Variants in ANKS1B observed in about 807,000 individuals in gnomAD.
The protein encoded by ANKS1B is ankyrin repeat and sterile alpha motif domain-containing protein 1B.
A neutral mutation model predicts 148.3 loss-of-function variants in ANKS1B; 36 were observed. The ratio of observed to expected loss-of-function variants is 0.24; its 90% CI spans 0.19 to 0.32. ANKS1B has a LOEUF of 0.32. Among genes scored for constraint, ANKS1B ranks in the 10% least tolerant of loss-of-function variants. The probability of loss-of-function intolerance (pLI) is 1.00; values close to 1 mark genes in which losing one functional copy is unlikely to be tolerated. For synonymous variants in ANKS1B, 542 were observed against 560.8 expected (o/e 0.97, Z 0.47); for missense variants, 1,157 against 1,542.6 (o/e 0.75, Z 4.19).
At chr12:98,949,199 G>A (rs1031968363) in intron 17 of ANKS1B, among the ~76,000 whole-genome samples, 19 of 151,884 alleles carry the variant, frequency 1.3e-4, no homozygotes, top group African/African-American at 3.9e-4. Flanking sequence ...TGATCTGCCC[G>A]CCTTGGCCTC....
chr12:99,293,438 A>G (rs943734186), intron 12 of ANKS1B, among the ~76,000 whole-genome samples: 5 of 152,164 alleles, frequency 3.3e-5, no homozygotes. Context: ...AGCATGGCAC[A>G]CGTATACCTA....
chr12:98,938,922 A>G (rs1597267000), intron 17 of ANKS1B, among the ~76,000 whole-genome samples: 1 of 152,230 alleles, frequency 6.6e-6, no homozygotes, highest in East Asian at 1.9e-4. Context: ...AGTGGAGATT[A>G]ATGATAATAA....
rs1209566456 is a variant in ANKS1B, at chr12:99,299,511, TA to T, written c.1757-52648del. On this transcript the variant is annotated intron_variant, in intron 12 of 26. Transcript: ENST00000683438. ...TTTCTTTATTCCTCTTGAACTGTAA[TA>T]AAAATGAAAACTATAACAAATATAA... is the stretch of plus-strand genomic sequence containing the variant. 2.6e-5 allele frequency among the ~76,000 whole-genome samples: 4 copies of T among 152,212 alleles called. No individual in the cohort carries two copies. In the East Asian group the frequency reaches 7.7e-4, roughly 29 times the overall value.
Position 99,941,003 on chromosome 12 carries a change from TTCC to T in ANKS1B, c.134+43098_134+43100del, listed in dbSNP as rs542759039. 5.3e-5 allele frequency among the ~76,000 whole-genome samples: 8 copies of T among 152,290 alleles called. No individual in the cohort carries two copies. In the South Asian group the frequency reaches 1.7e-3, roughly 32 times the overall value. On this transcript the variant is annotated intron_variant, in intron 1 of 26. Coordinates refer to ENST00000683438, the MANE Select transcript of ANKS1B (RefSeq NM_001352186.2). ...TGTACGTAATTATTGAATGTCTCTC[TTCC>T]TCAATAGATGTCAAGTTCTGAGAGG... is the stretch of plus-strand genomic sequence containing the variant.
intron 16 of ANKS1B, among the ~76,000 whole-genome samples, chr12:99,056,958 C>A (rs2040404401): frequency 6.6e-6 from 1 of 152,152 alleles, no homozygotes; most frequent in African/African-American, 2.4e-5. Flanking sequence ...CTCTCTTCCT[C>A]TTTTTTTCCA....
At chr12:99,303,084 A>G (rs145023921) in intron 12 of ANKS1B, among the ~76,000 whole-genome samples, 145 of 152,274 alleles carry the variant, frequency 9.5e-4, no homozygotes, top group African/African-American at 3.3e-3. Flanking sequence ...TCTGAACAAA[A>G]GGCACATAAT....
chr12:99,804,846 T>C (rs2067388725), intron 4 of ANKS1B, among the ~76,000 whole-genome samples: 1 of 152,172 alleles, frequency 6.6e-6, no homozygotes. Flanking sequence ...TCAAGAAGCC[T>C]TGTACAATTC....
At chr12:98,908,486 GA>G (rs974234985) in intron 17 of ANKS1B, among the ~76,000 whole-genome samples, 3 of 152,122 alleles carry the variant, frequency 2.0e-5, no homozygotes, top group African/African-American at 7.2e-5. Flanking sequence ...TAACTTCTCT[GA>G]GTTTTAGTTT....
chr12:99,728,502 T>C (rs1046116266), intron 8 of ANKS1B, among the ~76,000 whole-genome samples: 3 of 152,100 alleles, frequency 2.0e-5, no homozygotes, highest in Admixed American at 6.5e-5. Flanking sequence ...TGTGGAGAAA[T>C]AGGAACACTT....
chr12:99,133,436 T>C (rs897814472), intron 15 of ANKS1B, among the ~76,000 whole-genome samples: 32 of 152,124 alleles, frequency 2.1e-4, no homozygotes, highest in African/African-American at 7.7e-4. Context: ...AGAAGAACCA[T>C]CCTTTCCTTT....
intron 8 of ANKS1B, among the ~76,000 whole-genome samples, chr12:99,682,561 A>G (rs2098627486): frequency 6.6e-6 from 1 of 152,246 alleles, no homozygotes; most frequent in South Asian, 2.1e-4. Context: ...GAACTGAACA[A>G]TAATAGTGAC....
At chr12:99,781,943 G>C in intron 5 of ANKS1B, 79 bp downstream of exon 5, 2 of 1,221,178 alleles carry the variant, frequency 1.6e-6, no homozygotes, top group Non-Finnish European at 2.3e-6. Flanking sequence ...GAAGAAAACT[G>C]TGTCATTTTC....
intron 17 of ANKS1B, among the ~76,000 whole-genome samples, chr12:98,928,669 T>C (rs768531195): frequency 2.0e-5 from 3 of 151,932 alleles, no homozygotes; most frequent in Non-Finnish European, 4.4e-5. Context: ...TTTAAATTAA[T>C]ATATAAAATG....
chr12:99,135,619 C>T (rs755138134), intron 15 of ANKS1B, among the ~76,000 whole-genome samples: 2 of 152,134 alleles, frequency 1.3e-5, no homozygotes, highest in African/African-American at 2.4e-5. Context: ...AAATTACATC[C>T]GGCCTTGAAT....
At chr12:99,743,301 T>C (rs1384021303) in intron 8 of ANKS1B, among the ~76,000 whole-genome samples, 1 of 152,222 alleles carries the variant, frequency 6.6e-6, no homozygotes, top group Non-Finnish European at 1.5e-5. Context: ...TCAGTTCCTA[T>C]GGCTATTGTT....
At chr12:99,016,638 A>G (rs1257868844) in intron 17 of ANKS1B, among the ~76,000 whole-genome samples, 2 of 152,224 alleles carry the variant, frequency 1.3e-5, no homozygotes, top group South Asian at 2.1e-4. Flanking sequence ...CCTGGGTGAC[A>G]GAGTGAGGCT....
chr12:99,223,870 C>T (rs556854239), intron 14 of ANKS1B, among the ~76,000 whole-genome samples: 4 of 152,296 alleles, frequency 2.6e-5, no homozygotes, highest in Non-Finnish European at 5.9e-5. Context: ...TTTGACTGTA[C>T]GTTGAACTAT....
intron 10 of ANKS1B, among the ~76,000 whole-genome samples, chr12:99,499,380 T>A (rs1006450665): frequency 1.3e-5 from 2 of 152,292 alleles, no homozygotes; most frequent in East Asian, 3.9e-4. Context: ...TATGTAGCCA[T>A]GCAAACTAAG....
chr12:99,736,064 C>G (rs1294055563), intron 8 of ANKS1B, among the ~76,000 whole-genome samples: 1 of 151,828 alleles, frequency 6.6e-6, no homozygotes, highest in Non-Finnish European at 1.5e-5. Context: ...TTCAACAATG[C>G]TTCATGATAA....
Sources: allele counts gnomAD v4.1 joint callset (sites outside exome capture counted in the v4.1 genomes callset), GRCh38; gene constraint gnomAD v4.1.1; transcripts MANE v1.5; gene names NCBI Gene and HGNC (gene_info 2026-07-23, HGNC 2026-07-21).